ZNF69: variants seen among roughly 807,000 people sequenced by gnomAD.
ZNF69 encodes the protein zinc finger protein 69.
Under a neutral mutation model 50.9 loss-of-function variants are expected in ZNF69, and 47 were observed. That is an observed-to-expected ratio of 0.92 (90% CI 0.73 to 1.18). The LOEUF (loss-of-function observed/expected upper bound fraction) is 1.18, where lower values mean the gene tolerates loss of function less well. ZNF69 is among the 50% of genes most tolerant of loss of function. The probability of loss-of-function intolerance (pLI) is 0.00; values close to 1 mark genes in which losing one functional copy is unlikely to be tolerated. For synonymous variants in ZNF69, 216 were observed against 223.1 expected (o/e 0.97, Z 0.29); for missense variants, 717 against 675.1 (o/e 1.06, Z -0.69).
downstream of ZNF69, among the ~76,000 whole-genome samples, chr19:11,910,220 C>G (rs1426765653): frequency 6.6e-6 from 1 of 152,144 alleles, no homozygotes; most frequent in Non-Finnish European, 1.5e-5. Flanking sequence ...TAGGAAGAAT[C>G]AATATCATGA....
At chr19:11,893,488 CT>C (rs1179822291) in intron 1 of ZNF69, among the ~76,000 whole-genome samples, 2 of 152,180 alleles carry the variant, frequency 1.3e-5, no homozygotes, top group African/African-American at 4.8e-5. Flanking sequence ...TGAATAACCA[CT>C]AGACATTTTC....
At chr19:11,940,136 G>C in the ZNF69 span, 1 of 152,084 alleles carries the variant, frequency 6.6e-6, no homozygotes, top group Non-Finnish European at 1.5e-5. Context: ...TCTCCATGTT[G>C]GTCAGACTGG....
At chr19:11,976,085 T>C in the ZNF69 span, among the ~76,000 whole-genome samples, 1 of 146,270 alleles carries the variant, frequency 6.8e-6, no homozygotes, top group Non-Finnish European at 1.5e-5. Flanking sequence ...GGGTGGTCCC[T>C]GGGGTGTGGG....
chr19:11,920,172 C>T, the ZNF69 span, among the ~76,000 whole-genome samples: 1 of 149,298 alleles, frequency 6.7e-6, no homozygotes, highest in South Asian at 2.1e-4. Flanking sequence ...AGTGCAATGG[C>T]GTGATCTCAG....
At chr19:11,889,849 G>A (rs965073028) in intron 1 of ZNF69, among the ~76,000 whole-genome samples, 2 of 152,200 alleles carry the variant, frequency 1.3e-5, no homozygotes, top group East Asian at 3.8e-4. Flanking sequence ...ACAACAGGGT[G>A]ATGGTGGGGA....
the ZNF69 span, among the ~76,000 whole-genome samples, chr19:11,922,815 G>GT: frequency 9.9e-3 from 1,467 of 147,882 alleles, 23 homozygotes; most frequent in African/African-American, 0.035. Flanking sequence ...CTTTTTATGG[G>GT]TTTTTTTGTT....
the ZNF69 span, among the ~76,000 whole-genome samples, chr19:11,957,686 A>C: frequency 6.6e-6 from 1 of 151,820 alleles, no homozygotes; most frequent in Admixed American, 6.6e-5. Context: ...CTCTATGAAA[A>C]ATATAAAAAT....
At chr19:11,935,004 C>T in the ZNF69 span, among the ~76,000 whole-genome samples, 4 of 145,754 alleles carry the variant, frequency 2.7e-5, no homozygotes, top group East Asian at 4.1e-4. Context: ...TGTGAAACCC[C>T]GTCTCTACTA....
At chr19:11,915,301 A>T (rs989550874), downstream of ZNF69, among the ~76,000 whole-genome samples, 10 of 152,232 alleles carry the variant, frequency 6.6e-5, no homozygotes, top group African/African-American at 2.4e-4. Context: ...TTTTCACCAA[A>T]GAGTAGAAAC....
the ZNF69 span, chr19:11,949,013 G>C: frequency 6.2e-7 from 1 of 1,605,330 alleles, no homozygotes; most frequent in Non-Finnish European, 8.5e-7. Flanking sequence ...ACCCACTCTG[G>C]GAAAAAACCG....
chr19:11,958,295 A>T, the ZNF69 span, among the ~76,000 whole-genome samples: 1 of 152,112 alleles, frequency 6.6e-6, no homozygotes, highest in Admixed American at 6.6e-5. Context: ...ACCCAGGTCT[A>T]GATGCAGTTG....
the ZNF69 span, among the ~76,000 whole-genome samples, chr19:11,937,628 A>G: frequency 2.0e-5 from 3 of 151,692 alleles, no homozygotes; most frequent in African/African-American, 7.3e-5. Flanking sequence ...AACTGAGACT[A>G]CAGGTGCCTA....
the ZNF69 span, among the ~76,000 whole-genome samples, chr19:11,934,405 G>C: frequency 6.7e-6 from 1 of 148,350 alleles, no homozygotes; most frequent in Non-Finnish European, 1.5e-5. Flanking sequence ...CATTCACATC[G>C]ATAGTGAATG....
the ZNF69 span, among the ~76,000 whole-genome samples, chr19:11,972,789 CCT>C: frequency 9.1e-4 from 139 of 152,208 alleles, no homozygotes; most frequent in Non-Finnish European, 1.7e-3. Flanking sequence ...CATAATTCCC[CCT>C]GTTTTAAACA....
the ZNF69 span, among the ~76,000 whole-genome samples, chr19:11,936,946 T>C: frequency 6.6e-6 from 1 of 152,228 alleles, no homozygotes; most frequent in African/African-American, 2.4e-5. Flanking sequence ...AAATAGGGAA[T>C]CGTTTCCCCA....
chr19:11,949,710 A>G, the ZNF69 span: 9 of 1,613,798 alleles, frequency 5.6e-6, no homozygotes, highest in Non-Finnish European at 7.6e-6. Flanking sequence ...CTGGAGAGAA[A>G]CCCTATGAGT....
the ZNF69 span, among the ~76,000 whole-genome samples, chr19:11,952,468 GC>G: frequency 1.9e-3 from 287 of 152,278 alleles, no homozygotes; most frequent in African/African-American, 6.5e-3. Context: ...TCAACAGCCT[GC>G]TTATCTCAGC....
At chr19:11,912,454 G>A (rs28672858) in intron 4 of ZNF69, among the ~76,000 whole-genome samples, 8 of 152,158 alleles carry the variant, frequency 5.3e-5, no homozygotes, top group African/African-American at 1.9e-4. Context: ...ATGAAGGCAA[G>A]CAATGTGGCA....
the ZNF69 span, among the ~76,000 whole-genome samples, chr19:11,973,471 T>C: frequency 6.6e-6 from 1 of 152,302 alleles, no homozygotes; most frequent in South Asian, 2.1e-4. Context: ...CACCTCAGCT[T>C]CCCAGAGTGC....
Sources: gnomAD v4.1 joint callset for allele counts (sites outside exome capture counted in the v4.1 genomes callset) on GRCh38, gnomAD v4.1.1 for gene constraint, MANE v1.5 for transcripts, NCBI Gene and HGNC (gene_info 2026-07-23, HGNC 2026-07-21) for gene names.